TRPV5: variants seen among roughly 807,000 people sequenced by gnomAD.
TRPV5 encodes the protein calcium transport protein 2.
Under a neutral mutation model 74.1 loss-of-function variants are expected in TRPV5, and 66 were observed. The observed-to-expected ratio is 0.89, with a 90% CI of 0.73 to 1.09. TRPV5 has a LOEUF of 1.09. Among genes scored for constraint, TRPV5 ranks in the 50% least tolerant of loss-of-function variants. The pLI is 0.00. For missense variants in TRPV5, 936 were observed against 930.4 expected, an observed-to-expected ratio of 1.01 and a Z score of -0.08; for synonymous variants, 399 against 360.7, an observed-to-expected ratio of 1.11 and a Z score of -1.20.
At chr7:142,929,255 C>A in intron 4 of TRPV5, 135 bp from the exon 5 acceptor site, 2 of 1,473,752 alleles carry the variant, frequency 1.4e-6, no homozygotes, top group Admixed American at 2.1e-5. Context: ...CCAGCAGAAC[C>A]AGAGGAAGGA....
Position 142,925,685 on chromosome 7 carries a change from G to C in TRPV5, c.966C>G (p.Asn322Lys). ...TGCAGAAGTACGGCCGGCCATACTT[G>C]TTCCACTTGAAGCTCACCAGCTCCT... is the stretch of plus-strand genomic sequence containing the variant. Reference protein sequence around the residue: ...PVKELVSFKWNKYGRPYFCIL... With the variant: ...PVKELVSFKWKKYGRPYFCIL... Residue 322 changes from asparagine to lysine, a missense_variant, in exon 8 of 15, where the codon AAC becomes AAG. Asn to Lys is a moderately conservative substitution (Grantham distance 94). Transcript: ENST00000265310. The C allele has an allele frequency of 6.2e-7, 1 of 1,614,184 alleles. No individual in the cohort carries two copies. The highest frequency in any genetic ancestry group is 8.5e-7 in the Non-Finnish European group (1 of 1,180,038).
At chr7:142,928,616 C>T in intron 6 of TRPV5, 75 bp downstream of exon 6, 3 of 1,513,030 alleles carry the variant, frequency 2.0e-6, no homozygotes, top group Non-Finnish European at 2.7e-6. Context: ...CCCTTCACCT[C>T]TATTTCTCCC....
chr7:142,912,729 G>T lies in TRPV5; in HGVS notation c.1541C>A (p.Thr514Lys). The T allele has an allele frequency of 6.2e-7, 1 of 1,614,134 alleles. No individual in the cohort carries two copies. Among genetic ancestry groups the T allele is most frequent in the Non-Finnish European group, 8.5e-7 (1 of 1,179,966 alleles). ...FASAFYIIFQTEDPTSLGQFY... is the reference protein window; with the variant it reads ...FASAFYIIFQKEDPTSLGQFY... ...TTGCCCCAGACTGGTTGGGTCCTCT[G>T]TCTGGAAAATGATATAGAACGCTGC... is the stretch of plus-strand genomic sequence containing the variant. Residue 514 changes from threonine (T) to lysine (K), a missense_variant, in exon 13 of 15, where the codon ACA becomes AAA. By Grantham distance (78) the Thr-to-Lys change is moderately conservative (BLOSUM62 -1). Transcript: ENST00000265310.
chr7:142,908,644 G>A lies in TRPV5; in HGVS notation c.2060C>T (p.Ser687Phe). 4 of 1,614,244 alleles carry A rather than the reference G, an allele frequency of 2.5e-6. No homozygotes were observed. The highest frequency in any genetic ancestry group is 3.4e-6 in the Non-Finnish European group (4 of 1,180,038). ...ARASLALPTS[S>F]LSRTASQSSS... Reference sequence around the variant, plus strand: ...GCTCTGGGACGCGGTCCGGGACAGGGAGGAAGTTGGAAGAGCCAAAGAGGC... The same window carrying A: ...GCTCTGGGACGCGGTCCGGGACAGGAAGGAAGTTGGAAGAGCCAAAGAGGC... Residue 687 changes from serine to phenylalanine, a missense_variant, in exon 15 of 15, where the codon TCC becomes TTC. Ser to Phe is a radical substitution (Grantham distance 155, BLOSUM62 -2). Coordinates refer to ENST00000265310, the MANE Select transcript of TRPV5 (RefSeq NM_019841.7).
chr7:142,928,017 TA>T, intron 7 of TRPV5, 70 bp downstream of exon 7: 1 of 1,588,130 alleles, frequency 6.3e-7, no homozygotes, highest in Non-Finnish European at 8.6e-7. Context: ...AGGATCTTAG[TA>T]AGTGGACAGA....
At chr7:142,909,419 G>T in intron 14 of TRPV5, 71 bp downstream of exon 14, 4 of 1,526,622 alleles carry the variant, frequency 2.6e-6, no homozygotes, top group Non-Finnish European at 1.8e-6. Context: ...GCTCCAGGAC[G>T]CCTGTCGGTC....
chr7:142,919,645 G>C (rs1795852452), intron 8 of TRPV5, among the ~76,000 whole-genome samples: 1 of 152,186 alleles, frequency 6.6e-6, no homozygotes, highest in Non-Finnish European at 1.5e-5. Flanking sequence ...AATTTAATGA[G>C]CTTTCAACAA....
At chr7:142,932,001 C>A (rs1429161941) in intron 1 of TRPV5, among the ~76,000 whole-genome samples, 1 of 152,192 alleles carries the variant, frequency 6.6e-6, no homozygotes, top group African/African-American at 2.4e-5. Flanking sequence ...CACGCCCAGC[C>A]AAAGTGTTTT....
intron 1 of TRPV5, 99 bp from the exon 2 acceptor site, chr7:142,930,545 A>C: frequency 1.8e-5 from 16 of 901,190 alleles, no homozygotes; most frequent in Non-Finnish European, 2.9e-5. Context: ...AACGTGACTC[A>C]CACAGCGTGC....
rs570086805 is a variant in TRPV5, at chr7:142,930,976, A to G, written c.129-530T>C. ...TTTCCTAGGCATTTTGAAATTTGTG[A>G]AATTTGTGAGGCACTAAAGTTCTGA... On this transcript the variant is annotated intron_variant, in intron 1 of 14. Transcript: ENST00000265310. 2.9e-4 allele frequency among the ~76,000 whole-genome samples: 44 copies of G among 150,810 alleles called. 2 individuals are homozygous for G. The South Asian group carries it at 9.1e-3, about 31-fold the overall frequency.
At chr7:142,913,995 C>T (rs1174984063) in intron 12 of TRPV5, among the ~76,000 whole-genome samples, 3 of 152,106 alleles carry the variant, frequency 2.0e-5, no homozygotes, top group Non-Finnish European at 4.4e-5. Context: ...CCTGCTGTGC[C>T]GTTCCTTTCT....
chr7:142,914,593 G>C (rs748456638), intron 12 of TRPV5, 47 bp downstream of exon 12: 2 of 1,491,262 alleles, frequency 1.3e-6, no homozygotes, highest in Non-Finnish European at 1.9e-6. Context: ...TGAACTTTCT[G>C]GAGAACTAGA....
chr7:142,912,977 C>T (rs566740124), intron 12 of TRPV5, among the ~76,000 whole-genome samples: 40 of 152,216 alleles, frequency 2.6e-4, no homozygotes, highest in African/African-American at 9.6e-4. Flanking sequence ...ATTAAGTTCA[C>T]CACTCTGGGT....
intron 8 of TRPV5, among the ~76,000 whole-genome samples, chr7:142,921,007 G>A (rs1159975787): frequency 6.6e-6 from 1 of 152,186 alleles, no homozygotes; most frequent in African/African-American, 2.4e-5. Flanking sequence ...ATAATGTGCT[G>A]TGCTTGTTCC....
At chr7:142,929,221 A>C in intron 4 of TRPV5, 101 bp from the exon 5 acceptor site, 3 of 1,506,502 alleles carry the variant, frequency 2.0e-6, no homozygotes, top group South Asian at 2.4e-5. Context: ...CCCATATCTC[A>C]GTTCTAGGCT....
In TRPV5 at chr7:142,908,461, G is replaced by C. The variant is rs1253518339; in HGVS notation, c.*53C>G. 1 of 1,592,670 alleles carries C rather than the reference G, an allele frequency of 6.3e-7. No homozygotes were observed. The highest frequency in any genetic ancestry group is 8.6e-7 in the Non-Finnish European group (1 of 1,164,472). ...TGCATAGGCAGAGGTCTCCGTCTCT[G>C]TCCCCGCCCCCAGGCCAACCGGGAG... is the stretch of plus-strand genomic sequence containing the variant. On this transcript the variant is annotated 3_prime_UTR_variant, in exon 15 of 15. Transcript: ENST00000265310.
At chr7:142,929,670 C>T in intron 3 of TRPV5, 105 bp from the exon 4 acceptor site, 13 of 1,527,040 alleles carry the variant, frequency 8.5e-6, no homozygotes, top group Non-Finnish European at 9.8e-6. Flanking sequence ...TAGATCTTTG[C>T]TAGACTTCTG....
In TRPV5 at chr7:142,923,464, C is replaced by T. The variant is rs551090495; in HGVS notation, c.1122+2065G>A. On this transcript the variant is annotated intron_variant, in intron 8 of 14. Transcript: ENST00000265310. ...ACATAGTCATCCCATAAATCAGGGC[C>T]AGGGCTCAAAGCATAGGGACTTTTC... Among the ~76,000 whole-genome samples the T allele has an allele frequency of 2.6e-5, 4 of 152,180 alleles. No homozygotes were observed. In the East Asian group the frequency reaches 7.7e-4, roughly 29 times the overall value.
chr7:142,929,334 G>T, intron 4 of TRPV5, 94 bp downstream of exon 4: 2 of 1,560,194 alleles, frequency 1.3e-6, no homozygotes, highest in South Asian at 2.4e-5. Flanking sequence ...CTGCCCAACA[G>T]ATGGAGCTGA....
Sources: allele counts gnomAD v4.1 joint callset (sites outside exome capture counted in the v4.1 genomes callset), GRCh38; gene constraint gnomAD v4.1.1; transcripts MANE v1.5; gene names NCBI Gene and HGNC (gene_info 2026-07-23, HGNC 2026-07-21).